The following TTC6 variants were observed in gnomAD, a reference collection of about 807,000 sequenced individuals.
TTC6 encodes the protein tetratricopeptide repeat domain 6.
TTC6 carries 172 observed loss-of-function variants against 210.4 expected under a neutral mutation model. The ratio of observed to expected loss-of-function variants is 0.82; its 90% confidence interval spans 0.72 to 0.93. The LOEUF (loss-of-function observed/expected upper bound fraction) is 0.93, where lower values mean the gene tolerates loss of function less well. Among genes scored for constraint, TTC6 ranks in the 40% least tolerant of loss-of-function variants. The pLI is 0.00. For synonymous variants in TTC6, 804 were observed against 819.6 expected (o/e 0.98, Z 0.32); for missense variants, 2,414 against 2,318.1 (o/e 1.04, Z -0.85).
chr14:37,816,218 C>T (rs1280552868), intron 25 of TTC6, among the ~76,000 whole-genome samples: 2 of 152,136 alleles, frequency 1.3e-5, no homozygotes, highest in African/African-American at 2.4e-5. Context: ...TGGTCTGTGA[C>T]TAATACTGCG....
At chr14:37,706,323 T>C (rs2095835436) in intron 5 of TTC6, among the ~76,000 whole-genome samples, 1 of 152,100 alleles carries the variant, frequency 6.6e-6, no homozygotes, top group Non-Finnish European at 1.5e-5. Flanking sequence ...ACTCCTTTCT[T>C]GGCTATCTTC....
intron 15 of TTC6, 134 bp downstream of exon 17, chr14:37,787,771 A>G (rs1040516954): frequency 8.5e-6 from 5 of 585,608 alleles, no homozygotes; most frequent in African/African-American, 1.9e-5. Flanking sequence ...CATTATAAGT[A>G]TATATTACAT....
upstream of TTC6, among the ~76,000 whole-genome samples, chr14:37,619,315 A>G (rs2095647604): frequency 6.6e-6 from 1 of 152,178 alleles, no homozygotes; most frequent in African/African-American, 2.4e-5. Flanking sequence ...TCTTCAGTTA[A>G]ACGCAATACG....
chr14:37,760,174 T>C (rs1402281105), intron 14 of TTC6, among the ~76,000 whole-genome samples: 1 of 152,138 alleles, frequency 6.6e-6, no homozygotes, highest in Non-Finnish European at 1.5e-5. Flanking sequence ...GACCTTTGGA[T>C]GGGGTTTTTG....
chr14:37,650,408 C>T (rs2095709093), intron 1 of TTC6, among the ~76,000 whole-genome samples: 2 of 152,156 alleles, frequency 1.3e-5, no homozygotes, highest in African/African-American at 4.8e-5. Flanking sequence ...TTTCAGTTTG[C>T]TGTAAGTACC....
At chr14:37,708,215 T>TA (rs1387374260) in intron 5 of TTC6, among the ~76,000 whole-genome samples, 2 of 152,050 alleles carry the variant, frequency 1.3e-5, no homozygotes, top group Non-Finnish European at 2.9e-5. Context: ...TATGAGTAAT[T>TA]ATTTTGACTT....
At chr14:37,782,746 A>G (rs1348457896) in intron 14 of TTC6, among the ~76,000 whole-genome samples, 1 of 152,192 alleles carries the variant, frequency 6.6e-6, no homozygotes, top group Non-Finnish European at 1.5e-5. Context: ...CCCATTCAGT[A>G]TGATATTGGC....
intron 1 of TTC6, among the ~76,000 whole-genome samples, chr14:37,627,704 T>G (rs1347347223): frequency 6.6e-6 from 1 of 152,256 alleles, no homozygotes; most frequent in African/African-American, 2.4e-5. Flanking sequence ...AGTCTATCAC[T>G]GACGGGCATT....
intron 15 of TTC6, among the ~76,000 whole-genome samples, chr14:37,790,329 G>A (rs1340916128): frequency 1.3e-5 from 2 of 152,094 alleles, no homozygotes; most frequent in African/African-American, 4.8e-5. Flanking sequence ...GCCATCAAGG[G>A]TCATGGCACC....
intron 4 of TTC6, among the ~76,000 whole-genome samples, chr14:37,700,322 C>T (rs1351152155): frequency 2.0e-5 from 3 of 152,100 alleles, no homozygotes; most frequent in East Asian, 1.9e-4. Flanking sequence ...ATAATTATAC[C>T]TCCAATACAG....
exon 1 of TTC6, chr14:37,622,707 A>T (rs557331376): frequency 1.3e-5 from 20 of 1,535,052 alleles, no homozygotes; most frequent in Non-Finnish European, 1.7e-5. Context: ...GGACGGCTAC[A>T]TGGAGGCCAG....
rs1159417183 is a variant in TTC6, at chr14:37,696,695, CA to C, written c.1258-21del. ...CTCATGTTACATCTTCTCTTAACAG[CA>C]CACTTTATATTTTCTTAAAGGCAAA... On this transcript the variant is annotated intron_variant, in intron 3 of 30. Coordinates refer to ENST00000553443, the Ensembl canonical transcript of TTC6. 5 of 1,248,532 alleles carry C rather than the reference CA, an allele frequency of 4.0e-6. No homozygotes were observed. In the East Asian group the frequency reaches 1.1e-4, roughly 28 times the overall value. 77.3% of individuals were successfully genotyped at this position (1,248,532 alleles called of 1,614,324 possible).
chr14:37,674,309 C>A (rs766664552), intron 1 of TTC6, among the ~76,000 whole-genome samples: 8 of 152,056 alleles, frequency 5.3e-5, no homozygotes, highest in Admixed American at 1.3e-4. Context: ...ATAGTAGCCT[C>A]TTCAAGTAAC....
chr14:37,794,659 G>A (rs1172874833), intron 17 of TTC6, among the ~76,000 whole-genome samples: 2 of 151,596 alleles, frequency 1.3e-5, no homozygotes, highest in African/African-American at 4.9e-5. Flanking sequence ...TTTTTGTGCA[G>A]GCCTGTTTTT....
chr14:37,726,924 C>CTTTCTGTT (rs2095874120), intron 7 of TTC6, among the ~76,000 whole-genome samples: 1 of 151,648 alleles, frequency 6.6e-6, no homozygotes, highest in Non-Finnish European at 1.5e-5. Context: ...TTTCTTTTTC[C>CTTTCTGTT]TTTCTGATGG....
chr14:37,827,455 A>C, intron 29 of TTC6, 89 bp downstream of exon 31: 26 of 1,258,176 alleles, frequency 2.1e-5, no homozygotes, highest in Middle Eastern at 2.0e-4. Context: ...ATACAATCTC[A>C]GGCTAATAAT....
intron 29 of TTC6, chr14:37,837,331 C>A: frequency 2.3e-6 from 1 of 435,026 alleles, no homozygotes; most frequent in East Asian, 7.3e-5. Context: ...GGAAGAAAGT[C>A]TTGGCCTGGC....
At chr14:37,816,321 A>G (rs575697644) in intron 25 of TTC6, among the ~76,000 whole-genome samples, 2 of 152,180 alleles carry the variant, frequency 1.3e-5, no homozygotes, top group East Asian at 3.9e-4. Flanking sequence ...CCCTTCAAAG[A>G]CAGCCTCTTC....
chr14:37,629,118 A>G (rs1294416188), intron 1 of TTC6, among the ~76,000 whole-genome samples: 1 of 152,164 alleles, frequency 6.6e-6, no homozygotes, highest in Non-Finnish European at 1.5e-5. Flanking sequence ...TGAAATTTAA[A>G]GTAGTTTTTT....
Sources: gnomAD v4.1 joint callset for allele counts (sites outside exome capture counted in the v4.1 genomes callset) on GRCh38, gnomAD v4.1.1 for gene constraint, MANE v1.5 for transcripts, NCBI Gene and HGNC (gene_info 2026-07-23, HGNC 2026-07-21) for gene names.